Variants in UPP1 observed in about 807,000 individuals in gnomAD.
UPP1 encodes UPase 1.
A neutral mutation model predicts 29.6 loss-of-function variants in UPP1; 25 were observed. That is an observed-to-expected ratio of 0.85 (90% CI 0.62 to 1.18). The LOEUF is 1.18. Among genes scored for constraint, UPP1 ranks in the 50% most tolerant of loss-of-function variants. The pLI is 0.00. For synonymous variants in UPP1, 165 were observed against 159.8 expected (o/e 1.03, Z -0.25); for missense variants, 368 against 410.4 (o/e 0.90, Z 0.89).
intron 3 of UPP1, among the ~76,000 whole-genome samples, chr7:48,098,645 T>C (rs1185943256): frequency 1.3e-5 from 2 of 152,218 alleles, no homozygotes; most frequent in African/African-American, 2.4e-5. Flanking sequence ...CTTGCCTCTC[T>C]TGTGTCTTTT....
chr7:48,103,757 C>A, intron 6 of UPP1: 1 of 1,293,762 alleles, frequency 7.7e-7, no homozygotes, highest in Non-Finnish European at 1.0e-6. Context: ...CCTTTGCTTA[C>A]TTTTCCTCCT....
chr7:48,107,120 G>A, intron 7 of UPP1, 38 bp downstream of exon 7: 1 of 1,605,642 alleles, frequency 6.2e-7, no homozygotes, highest in Non-Finnish European at 8.5e-7. Context: ...TTTCAGCCAG[G>A]GAACCCTGGT....
At chr7:48,093,784 C>T (rs930485480) in intron 2 of UPP1, among the ~76,000 whole-genome samples, 20 of 152,274 alleles carry the variant, frequency 1.3e-4, no homozygotes, top group East Asian at 9.7e-4. Flanking sequence ...CCCCTGTCCC[C>T]GCTGCTCCCC....
In UPP1 at chr7:48,108,476, G is replaced by C. The variant is rs989144407; in HGVS notation, c.*119G>C. ...ACACAAGAATCTAGAAAATCAGATCGCGATTAAGAGACAGAGAATCTTGGA... is the reference window on the plus strand; with the variant it reads ...ACACAAGAATCTAGAAAATCAGATCCCGATTAAGAGACAGAGAATCTTGGA... On this transcript the variant is annotated 3_prime_UTR_variant, in exon 9 of 9. Transcript: ENST00000395564. 8.2e-7 allele frequency: 1 copy of C among 1,213,168 alleles called. No individual in the cohort carries two copies. The highest frequency in any genetic ancestry group is 1.9e-5 in the South Asian group (1 of 53,442). 75.2% of individuals were successfully genotyped at this position (1,213,168 alleles called of 1,614,324 possible).
intron 3 of UPP1, among the ~76,000 whole-genome samples, chr7:48,099,101 G>A (rs1397706531): frequency 1.3e-5 from 2 of 152,110 alleles, no homozygotes; most frequent in African/African-American, 4.8e-5. Flanking sequence ...CATGTGCCAC[G>A]AGCACATTTT....
intron 6 of UPP1, chr7:48,103,942 G>C (rs1419554822): frequency 1.6e-6 from 2 of 1,256,076 alleles, no homozygotes; most frequent in Non-Finnish European, 2.1e-6. Flanking sequence ...ATGGTTGGCC[G>C]GGCGCGGTGG....
intron 3 of UPP1, among the ~76,000 whole-genome samples, chr7:48,095,094 G>T (rs561172532): frequency 6.6e-6 from 1 of 152,146 alleles, no homozygotes; most frequent in Non-Finnish European, 1.5e-5. Flanking sequence ...TCAAATCTCT[G>T]TCTAGTAGGT....
At chr7:48,092,152 C>A (rs1178528642) in intron 2 of UPP1, among the ~76,000 whole-genome samples, 1 of 152,012 alleles carries the variant, frequency 6.6e-6, no homozygotes, top group Non-Finnish European at 1.5e-5. Context: ...CCCCTAAAGA[C>A]AAAAATAGCA....
chr7:48,094,736 C>T lies in UPP1; in HGVS notation c.-21-27C>T, dbSNP rs762114238. The T allele has an allele frequency of 4.3e-6, 7 of 1,611,446 alleles. No homozygotes were observed. In the South Asian group the frequency reaches 6.6e-5, roughly 15 times the overall value. ...TCTTGGTTTCTACTGAGTGGATTCA[C>T]TCCATTCTGTGATTTTTTTTCCTTA... On this transcript the variant is annotated intron_variant, in intron 2 of 8. Coordinates refer to ENST00000395564, the MANE Select transcript of UPP1 (RefSeq NM_003364.4).
chr7:48,099,576 T>G, intron 3 of UPP1, 94 bp from the exon 4 acceptor site: 1 of 847,192 alleles, frequency 1.2e-6, no homozygotes, highest in Non-Finnish European at 1.9e-6. Context: ...TCTCCCACCA[T>G]GAGCCTCGTG....
intron 7 of UPP1, 76 bp from the exon 8 acceptor site, chr7:48,107,285 T>TG: frequency 6.5e-7 from 1 of 1,528,664 alleles, no homozygotes; most frequent in Non-Finnish European, 8.9e-7. Flanking sequence ...TGTGTCCTTC[T>TG]GGGCATCAGT....
At chr7:48,105,545 T>C (rs1792684066) in intron 6 of UPP1, 1 of 152,248 alleles carries the variant, frequency 6.6e-6, no homozygotes, top group Admixed American at 6.5e-5. Context: ...ATCATAGTTA[T>C]CTTAGTCCCT....
In UPP1 at chr7:48,108,353, C is replaced by T. The variant is rs761246887; in HGVS notation, c.929C>T (p.Ala310Val). The T allele has an allele frequency of 6.2e-7, 1 of 1,613,296 alleles. No individual in the cohort carries two copies. The highest frequency in any genetic ancestry group is 2.2e-5 in the East Asian group (1 of 44,842). Residue 310 changes from alanine to valine, a missense_variant, in exon 9 of 9, where the codon GCC (alanine) becomes GTC (valine). By Grantham distance (64) the Ala-to-Val change is moderately conservative (BLOSUM62 0). Coordinates refer to ENST00000395564, the MANE Select transcript of UPP1 (RefSeq NM_003364.4). ...TTCATCAAGAAGAAACTGAGCAAGGCCTGAGCGCTGCCCTGCACCTCCGCA... is the reference window on the plus strand; with the variant it reads ...TTCATCAAGAAGAAACTGAGCAAGGTCTGAGCGCTGCCCTGCACCTCCGCA... ...SYFIKKKLSKA is the reference protein window; with the variant it reads ...SYFIKKKLSKV
At chr7:48,102,109 G>A (rs753360505) in intron 5 of UPP1, 127 bp downstream of exon 5, 168 of 1,054,278 alleles carry the variant, frequency 1.6e-4, no homozygotes, top group Non-Finnish European at 2.1e-4. Flanking sequence ...AGCAGGGTGA[G>A]CCCACAGTAG....
At chr7:48,105,230 T>G (rs537437835) in intron 6 of UPP1, 1 of 152,498 alleles carries the variant, frequency 6.6e-6, no homozygotes, top group African/African-American at 2.4e-5. Flanking sequence ...TCCAAGGGGC[T>G]TGACCACTCC....
intron 5 of UPP1, 85 bp downstream of exon 5, chr7:48,102,067 C>G: frequency 7.0e-7 from 1 of 1,430,800 alleles, no homozygotes; most frequent in East Asian, 2.4e-5. Flanking sequence ...GACAGCTGGT[C>G]CCCTAACACC....
rs1792901310 is a variant in UPP1, at chr7:48,108,599, A to G, written c.*242A>G. 2.6e-6 allele frequency: 1 copy of G among 384,960 alleles called. No homozygotes were observed. Among genetic ancestry groups the G allele is most frequent in the African/African-American group, 2.1e-5 (1 of 48,310 alleles). 23.8% of individuals were successfully genotyped at this position (384,960 alleles called of 1,614,324 possible). A position where few individuals can be genotyped will look rare whatever the true frequency, so the allele number is the denominator to read the frequency against. ...GGTTTCTTCAAGAACATTCTACCAA[A>G]TTTTTGTACTATTTCTAGGGAAATT... is the stretch of plus-strand genomic sequence containing the variant. On this transcript the variant is annotated 3_prime_UTR_variant, in exon 9 of 9. Coordinates refer to ENST00000395564, the MANE Select transcript of UPP1 (RefSeq NM_003364.4).
chr7:48,102,048 G>A (rs1454985272), intron 5 of UPP1, 66 bp downstream of exon 5: 2 of 1,542,920 alleles, frequency 1.3e-6, no homozygotes, highest in Non-Finnish European at 1.8e-6. Context: ...CCACCCCTCT[G>A]CACACACAGA....
chr7:48,091,914 C>T (rs148952707), intron 2 of UPP1, among the ~76,000 whole-genome samples: 149 of 152,300 alleles, frequency 9.8e-4, no homozygotes, highest in African/African-American at 3.3e-3. Context: ...AGCAACCAAA[C>T]CTAGAGAGAA....
Sources: allele counts gnomAD v4.1 joint callset (sites outside exome capture counted in the v4.1 genomes callset), GRCh38; gene constraint gnomAD v4.1.1; transcripts MANE v1.5; gene names NCBI Gene and HGNC (gene_info 2026-07-23, HGNC 2026-07-21).